The following FAM13C variants were observed in gnomAD, a reference collection of about 807,000 sequenced individuals.
FAM13C encodes protein FAM13C.
Under a neutral mutation model 73.2 loss-of-function variants are expected in FAM13C, and 37 were observed. The observed-to-expected ratio is 0.51, with a 90% CI of 0.39 to 0.67. FAM13C has a LOEUF of 0.67. Among genes scored for constraint, FAM13C ranks in the 30% least tolerant of loss-of-function variants. The pLI, the probability that FAM13C is intolerant of heterozygous loss-of-function variation, is 0.00. For missense variants in FAM13C, 589 were observed against 715.6 expected, an observed-to-expected ratio of 0.82 and a Z score of 2.02; for synonymous variants, 246 against 260.9, an observed-to-expected ratio of 0.94 and a Z score of 0.55.
At chr10:59,335,909 G>A (rs1852663477) in intron 3 of FAM13C, among the ~76,000 whole-genome samples, 1 of 152,038 alleles carries the variant, frequency 6.6e-6, no homozygotes, top group Non-Finnish European at 1.5e-5. Context: ...TAGTATCCTG[G>A]GACATCAAAT....
At chr10:59,282,968 C>CT (rs1845107201) in intron 6 of FAM13C, 1 of 202,108 alleles carries the variant, frequency 4.9e-6, no homozygotes, top group Non-Finnish European at 1.0e-5. Context: ...AGTATGGAAA[C>CT]TTCCCCATCC....
intron 13 of FAM13C, among the ~76,000 whole-genome samples, chr10:59,249,260 C>T (rs1253135063): frequency 6.6e-6 from 1 of 151,756 alleles, no homozygotes; most frequent in Non-Finnish European, 1.5e-5. Flanking sequence ...AAAACTTAGC[C>T]ACGCGTGGTG....
intron 6 of FAM13C, among the ~76,000 whole-genome samples, chr10:59,277,574 G>A (rs1172066014): frequency 6.6e-6 from 1 of 152,146 alleles, no homozygotes; most frequent in Non-Finnish European, 1.5e-5. Flanking sequence ...GAGGCACAGG[G>A]ACCTAGAGAT....
intron 4 of FAM13C, among the ~76,000 whole-genome samples, chr10:59,315,514 G>A (rs1463348222): frequency 1.3e-5 from 2 of 152,028 alleles, no homozygotes; most frequent in Non-Finnish European, 2.9e-5. Flanking sequence ...AAAATCTGGG[G>A]GCTATTTGTG....
rs556444368 is a variant in FAM13C, at chr10:59,278,019, T to C, written c.592+5344A>G. On this transcript the variant is annotated intron_variant, in intron 6 of 13. Coordinates refer to ENST00000618804, the MANE Select transcript of FAM13C (RefSeq NM_198215.4). ...GGTTTATTGGACTCACAGCTCCACG[T>C]GGCTGTGGAAGCCTAACATTCATGG... Among the ~76,000 whole-genome samples the C allele has an allele frequency of 8.5e-5, 13 of 152,324 alleles. No individual in the cohort carries two copies. The South Asian group carries it at 2.7e-3, about 32-fold the overall frequency.
chr10:59,291,697 C>A (rs1846238248), intron 5 of FAM13C, among the ~76,000 whole-genome samples: 1 of 151,658 alleles, frequency 6.6e-6, no homozygotes, highest in African/African-American at 2.4e-5. Context: ...GATTTCACCT[C>A]ATTATGATAT....
chr10:59,357,759 A>G (rs1303942267), intron 1 of FAM13C, among the ~76,000 whole-genome samples: 3 of 152,188 alleles, frequency 2.0e-5, no homozygotes, highest in Non-Finnish European at 4.4e-5. Flanking sequence ...GGAGACTCAC[A>G]TTTTATGTAG....
intron 13 of FAM13C, among the ~76,000 whole-genome samples, chr10:59,250,977 TG>T (rs935400124): frequency 6.6e-6 from 1 of 152,170 alleles, no homozygotes; most frequent in Non-Finnish European, 1.5e-5. Context: ...TATGTAATTT[TG>T]TTGATGATAC....
chr10:59,333,652 T>A (rs1324716519), intron 3 of FAM13C, among the ~76,000 whole-genome samples: 1 of 152,232 alleles, frequency 6.6e-6, no homozygotes, highest in African/African-American at 2.4e-5. Flanking sequence ...ATTATTAAAG[T>A]ATGTCTGTTA....
At chr10:59,360,604 T>G (rs1017965102) in intron 1 of FAM13C, among the ~76,000 whole-genome samples, 3 of 152,166 alleles carry the variant, frequency 2.0e-5, no homozygotes, top group Non-Finnish European at 4.4e-5. Flanking sequence ...ATTGTGGCAA[T>G]GACTAGTTTT....
intron 3 of FAM13C, among the ~76,000 whole-genome samples, chr10:59,332,417 G>T (rs1835871242): frequency 6.6e-6 from 1 of 152,128 alleles, no homozygotes; most frequent in African/African-American, 2.4e-5. Context: ...AAAGGATACT[G>T]CAGAGAAGAC....
At chr10:59,265,335 G>GGCGGA (rs78422182) in intron 8 of FAM13C, among the ~76,000 whole-genome samples, 474 of 16,058 alleles carry the variant, frequency 0.03, 72 homozygotes, top group Middle Eastern at 0.091. Flanking sequence ...GGGGGGGGGG[G>GGCGGA]AATCCTGGTT....
chr10:59,338,157 TC>T (rs1255624271), intron 3 of FAM13C, among the ~76,000 whole-genome samples: 3 of 152,150 alleles, frequency 2.0e-5, no homozygotes, highest in Non-Finnish European at 4.4e-5. Flanking sequence ...GGTCATATTA[TC>T]CCTCATTTTT....
At chr10:59,257,145 G>T (rs1842025856) in intron 10 of FAM13C, among the ~76,000 whole-genome samples, 1 of 152,100 alleles carries the variant, frequency 6.6e-6, no homozygotes, top group African/African-American at 2.4e-5. Context: ...ATAGTATCAG[G>T]GGTATAACTA....
rs1187058171 is a variant in FAM13C, at chr10:59,264,079, A to T, written c.1024+6T>A. On this transcript the variant is annotated splice_donor_region_variant and intron_variant, in intron 9 of 13. Coordinates refer to ENST00000618804, the MANE Select transcript of FAM13C (RefSeq NM_198215.4). Reference sequence around the variant, plus strand: ...TGAGGAAAAAAGATCTTTGGCTGGGATTTACCTTTGAGCTGTTTACGACCT... The same window carrying T: ...TGAGGAAAAAAGATCTTTGGCTGGGTTTTACCTTTGAGCTGTTTACGACCT... 1 of 1,612,224 alleles carries T rather than the reference A, an allele frequency of 6.2e-7. No homozygotes were observed. The highest frequency in any genetic ancestry group is 8.5e-7 in the Non-Finnish European group (1 of 1,178,748).
Position 59,246,829 on chromosome 10 carries a change from T to C in FAM13C, c.*785A>G, listed in dbSNP as rs1840749831. The C allele has an allele frequency of 7.8e-6, 3 of 386,410 alleles. No individual in the cohort carries two copies. The highest frequency in any genetic ancestry group is 1.4e-5 in the Non-Finnish European group (3 of 218,566). 23.9% of individuals were successfully genotyped at this position (386,410 alleles called of 1,614,324 possible). On this transcript the variant is annotated 3_prime_UTR_variant, in exon 14 of 14. Coordinates refer to ENST00000618804, the MANE Select transcript of FAM13C (RefSeq NM_198215.4). Reference sequence around the variant, plus strand: ...TAAACCAAAAGATTAGCAATAATACTATGGACACATTAGATTATATACTAC... The same window carrying C: ...TAAACCAAAAGATTAGCAATAATACCATGGACACATTAGATTATATACTAC...
intron 5 of FAM13C, among the ~76,000 whole-genome samples, chr10:59,287,832 G>C (rs890953396): frequency 1.3e-5 from 2 of 152,154 alleles, no homozygotes; most frequent in Admixed American, 1.3e-4. Flanking sequence ...AACCCCAAAG[G>C]CTGCCGGATA....
intron 1 of FAM13C, among the ~76,000 whole-genome samples, chr10:59,357,006 T>TA (rs1179721824): frequency 6.6e-6 from 1 of 152,196 alleles, no homozygotes; most frequent in African/African-American, 2.4e-5. Context: ...CTCTCGGACT[T>TA]ACACCAGTGA....
intron 3 of FAM13C, among the ~76,000 whole-genome samples, chr10:59,338,691 A>T (rs1379967780): frequency 6.6e-6 from 1 of 151,764 alleles, no homozygotes; most frequent in Non-Finnish European, 1.5e-5. Context: ...AGAAGTCCCC[A>T]CTCCATACCA....
Sources: allele counts gnomAD v4.1 joint callset (sites outside exome capture counted in the v4.1 genomes callset), GRCh38; gene constraint gnomAD v4.1.1; transcripts MANE v1.5; gene names NCBI Gene and HGNC (gene_info 2026-07-23, HGNC 2026-07-21).